Variants in NCAPG2 observed in about 807,000 individuals in gnomAD.
NCAPG2 encodes non-SMC condensin II complex subunit G2.
Under a neutral mutation model 141.1 loss-of-function variants are expected in NCAPG2, and 53 were observed. The ratio of observed to expected loss-of-function variants is 0.38; its 90% CI spans 0.30 to 0.47. The LOEUF (loss-of-function observed/expected upper bound fraction) is 0.47, where lower values mean the gene tolerates loss of function less well. Ranked by LOEUF, NCAPG2 falls within the 20% of genes least tolerant of loss-of-function variation. The pLI, the probability that NCAPG2 is intolerant of heterozygous loss-of-function variation, is 0.99. For missense variants in NCAPG2, 1,087 were observed against 1,389.0 expected, an observed-to-expected ratio of 0.78 and a Z score of 3.46; for synonymous variants, 499 against 490.7, an observed-to-expected ratio of 1.02 and a Z score of -0.22.
chr7:158,660,711 C>T (rs1832430810), intron 16 of NCAPG2, among the ~76,000 whole-genome samples: 1 of 152,128 alleles, frequency 6.6e-6, no homozygotes, highest in Non-Finnish European at 1.5e-5. Context: ...CCACCATGCC[C>T]AGCTAATGAG....
At chr7:158,668,513 T>A in intron 13 of NCAPG2, 1 of 815,072 alleles carries the variant, frequency 1.2e-6, no homozygotes. Flanking sequence ...AAGAAAACAA[T>A]ATGATGTCTG....
intron 13 of NCAPG2, chr7:158,668,541 G>T: frequency 3.1e-6 from 2 of 641,846 alleles, no homozygotes; most frequent in Non-Finnish European, 3.9e-6. Context: ...TTTCAAAATA[G>T]TCCGGCAGTG....
At chr7:158,668,869 GGTATCAAGCCCA>G (rs1199498966) in intron 13 of NCAPG2, among the ~76,000 whole-genome samples, 2 of 152,102 alleles carry the variant, frequency 1.3e-5, no homozygotes, top group African/African-American at 4.8e-5. Flanking sequence ...CCATTACCTA[GGTATCAAGCCCA>G]GCATCCATTA....
chr7:158,655,644 AG>A (rs1187367437), intron 19 of NCAPG2, among the ~76,000 whole-genome samples, 189 bp from the exon 20 acceptor site: 1 of 818 alleles, frequency 1.2e-3, no homozygotes, highest in Non-Finnish European at 3.3e-3. Context: ...ATGTACAGCC[AG>A]GTGAGCAGCC....
chr7:158,667,257 A>T, intron 13 of NCAPG2: 1 of 980,696 alleles, frequency 1.0e-6, no homozygotes, highest in Non-Finnish European at 1.2e-6. Context: ...TGGGCCAGAG[A>T]CCCTGTGTCC....
intron 19 of NCAPG2, 43 bp downstream of exon 19, chr7:158,656,217 C>T: frequency 6.3e-7 from 1 of 1,594,928 alleles, no homozygotes; most frequent in Non-Finnish European, 8.6e-7. Context: ...TTGTCACCCC[C>T]ACAATCATAG....
At chr7:158,666,697 CAGG>C (rs1294635206) in intron 13 of NCAPG2, among the ~76,000 whole-genome samples, 1 of 151,752 alleles carries the variant, frequency 6.6e-6, no homozygotes, top group Non-Finnish European at 1.5e-5. Context: ...GAGACCAAGG[CAGG>C]AGGATCGCTT....
intron 11 of NCAPG2, among the ~76,000 whole-genome samples, chr7:158,678,249 G>T (rs1834220583): frequency 6.6e-6 from 1 of 152,092 alleles, no homozygotes; most frequent in Non-Finnish European, 1.5e-5. Context: ...CACCTCCTTT[G>T]TCTCCTCATG....
At chr7:158,660,421 T>TTTG (rs1249695738) in intron 16 of NCAPG2, among the ~76,000 whole-genome samples, 3 of 95,736 alleles carry the variant, frequency 3.1e-5, no homozygotes, top group African/African-American at 1.2e-4. Flanking sequence ...TTTTTTTTTT[T>TTTG]TTTTTTTTAA....
rs58368997 is a variant in NCAPG2, at chr7:158,640,052, CAAA to C, written c.3380+4234_3380+4236del. ...ATAGAATACTGAATAGAATAAATGC[CAAA>C]AAAAAAAAAAAAAAAGAAAAGAAAA... is the stretch of plus-strand genomic sequence containing the variant. On this transcript the variant is annotated intron_variant, in intron 27 of 27. Transcript: ENST00000356309. The C allele has an allele frequency of 2.2e-4, 22 of 98,288 alleles. No individual in the cohort carries two copies. The South Asian group carries it at 2.9e-3, about 13-fold the overall frequency. 6.1% of individuals were successfully genotyped at this position (98,288 alleles called of 1,614,324 possible). A position where few individuals can be genotyped will look rare whatever the true frequency, so the allele number is the denominator to read the frequency against.
chr7:158,646,524 A>G lies in NCAPG2; in HGVS notation c.3115T>C (p.Ser1039Pro). The change falls in exon 25 of 28, where the codon TCT becomes CCT. Residue 1039 changes from serine to proline, a missense_variant. By Grantham distance (74) the Ser-to-Pro change is moderately conservative. Coordinates refer to ENST00000356309, the MANE Select transcript of NCAPG2 (RefSeq NM_017760.7). Reference sequence around the variant, plus strand: ...CACCTTGAAAATGGTGGAAGATCAGAAAGATGCTCTGGAGGGGTAAGCTCT... The same window carrying G: ...CACCTTGAAAATGGTGGAAGATCAGGAAGATGCTCTGGAGGGGTAAGCTCT... Reference protein sequence around the residue: ...VEELTPPEHLSDLPPFSRCLI... With the variant: ...VEELTPPEHLPDLPPFSRCLI... 1 of 1,584,954 alleles carries G rather than the reference A, an allele frequency of 6.3e-7. No individual in the cohort carries two copies. Among genetic ancestry groups the G allele is most frequent in the Non-Finnish European group, 8.5e-7 (1 of 1,172,446 alleles).
chr7:158,659,579 AT>A (rs1832313185), intron 16 of NCAPG2, among the ~76,000 whole-genome samples: 2 of 152,138 alleles, frequency 1.3e-5, no homozygotes, highest in Admixed American at 1.3e-4. Flanking sequence ...CAGCTAAATT[AT>A]TATTACTAAA....
intron 21 of NCAPG2, 67 bp downstream of exon 21, chr7:158,655,051 A>G: frequency 6.7e-7 from 1 of 1,499,248 alleles, no homozygotes; most frequent in African/African-American, 1.4e-5. Context: ...TCTAAAGTAG[A>G]AAATGAAATC....
In NCAPG2 at chr7:158,656,288, T is replaced by C. The variant is rs1831967347; in HGVS notation, c.2360A>G (p.His787Arg). 1.2e-6 allele frequency: 2 copies of C among 1,614,144 alleles called. No homozygotes were observed. The highest frequency in any genetic ancestry group is 8.5e-7 in the Non-Finnish European group (1 of 1,180,034). ...LLSAPRKKLN[H>R]LLKALETSKA... ...TGACGTTTCAAGGGCTTTCAAAAGA[T>C]GGTTAAGTTTCTTCCGAGGAGCAGA... The change falls in exon 19 of 28, where the codon CAT becomes CGT. Residue 787 changes from histidine (H) to arginine (R), a missense_variant. His to Arg is a conservative substitution (Grantham distance 29). Transcript: ENST00000356309.
intron 6 of NCAPG2, 61 bp downstream of exon 6, chr7:158,689,758 C>T: frequency 7.0e-7 from 1 of 1,422,298 alleles, no homozygotes; most frequent in Non-Finnish European, 9.4e-7. Context: ...CATGTGAACA[C>T]AGGAGAAACA....
chr7:158,656,629 G>C lies in NCAPG2; in HGVS notation c.2137C>G (p.Leu713Val). 2 of 1,614,152 alleles carry C rather than the reference G, an allele frequency of 1.2e-6. No homozygotes were observed. The highest frequency in any genetic ancestry group is 1.6e-4 in the Middle Eastern group (1 of 6,062). The stretch of plus-strand genomic sequence containing the variant: ...TGCCCCACCTGCCCCCAGGAGCAGA[G>C]GCAATCCAACAAAGTGCAGTAGCTC... ...DKSYCTLLDCLCSWGQVGHIL... is the reference protein window; with the variant it reads ...DKSYCTLLDCVCSWGQVGHIL... The change falls in exon 18 of 28, where the codon CTC becomes GTC. Residue 713 changes from leucine (L) to valine (V), a missense_variant. Leu to Val is a conservative substitution (Grantham distance 32). Transcript: ENST00000356309.
chr7:158,659,492 T>C (rs1365780441), intron 16 of NCAPG2, among the ~76,000 whole-genome samples: 2 of 152,050 alleles, frequency 1.3e-5, no homozygotes, highest in Non-Finnish European at 2.9e-5. Context: ...CACAGGACTG[T>C]TGGAAGAACC....
rs562192066 is a variant in NCAPG2, at chr7:158,676,809, C to G, written c.1147-1153G>C. 2.0e-5 allele frequency among the ~76,000 whole-genome samples: 3 copies of G among 152,030 alleles called. No individual in the cohort carries two copies. The East Asian group carries it at 5.8e-4, about 29-fold the overall frequency. ...TTTCAAGTTAAAATTAAGCATTTAC[C>G]CCATCTCTTCCCCAAAATTTGACCA... On this transcript the variant is annotated intron_variant, in intron 11 of 27. Transcript: ENST00000356309.
At chr7:158,665,628 C>CA (rs1587171768) in intron 13 of NCAPG2, among the ~76,000 whole-genome samples, 1 of 152,110 alleles carries the variant, frequency 6.6e-6, no homozygotes, top group South Asian at 2.1e-4. Flanking sequence ...AACCCACACA[C>CA]AAAACTCAAC....
Sources: allele counts gnomAD v4.1 joint callset (sites outside exome capture counted in the v4.1 genomes callset), GRCh38; gene constraint gnomAD v4.1.1; transcripts MANE v1.5; gene names NCBI Gene and HGNC (gene_info 2026-07-23, HGNC 2026-07-21).